Variants in SFXN1 observed in about 807,000 individuals in gnomAD.
SFXN1 encodes sideroflexin-1.
In SFXN1, 32 loss-of-function variants were observed where a neutral mutation model predicts 39.5. The ratio of observed to expected loss-of-function variants is 0.81; its 90% CI spans 0.61 to 1.09. The LOEUF is 1.09. Ranked by LOEUF, SFXN1 falls within the 50% of genes least tolerant of loss-of-function variation. SFXN1 has a pLI of 0.00. For missense variants in SFXN1, 402 were observed against 407.1 expected (o/e 0.99, Z 0.11); for synonymous variants, 136 against 146.5 (o/e 0.93, Z 0.52).
In SFXN1 at chr5:175,516,611, C is replaced by A. The variant is rs1760722985; in HGVS notation, c.725-3C>A. ...ATTTAAGTGGATCTATCTTTATTTC[C>A]AGCCATCCCTCCATTCATTATGAAC... On this transcript the variant is annotated splice_polypyrimidine_tract_variant and splice_region_variant and intron_variant, in intron 7 of 10. Coordinates refer to ENST00000321442, the MANE Select transcript of SFXN1 (RefSeq NM_022754.7). 1.9e-6 allele frequency: 3 copies of A among 1,609,108 alleles called. No individual in the cohort carries two copies. The highest frequency in any genetic ancestry group is 1.7e-5 in the Admixed American group (1 of 59,136).
chr5:175,481,847 C>A (rs560423394), intron 1 of SFXN1, among the ~76,000 whole-genome samples: 2 of 152,056 alleles, frequency 1.3e-5, no homozygotes, highest in South Asian at 4.2e-4. Context: ...ATCTATAATT[C>A]GATCTCCTGT....
Position 175,528,026 on chromosome 5 carries a change from TCTC to T in SFXN1, c.*1295_*1297del. 6.6e-6 allele frequency: 1 copy of T among 151,748 alleles called. No individual in the cohort carries two copies. The highest frequency in any genetic ancestry group is 1.9e-4 in the East Asian group (1 of 5,140). 9.4% of individuals were successfully genotyped at this position (151,748 alleles called of 1,614,324 possible). A position where few individuals can be genotyped will look rare whatever the true frequency, so the allele number is the denominator to read the frequency against. ...GCTCCGCCTCCCGGGTTCACGCCGT[TCTC>T]CTGCCTCAGCCTCTCTGAGAAGCTG... is the stretch of plus-strand genomic sequence containing the variant. On this transcript the variant is annotated 3_prime_UTR_variant, in exon 11 of 11. Coordinates refer to ENST00000321442, the MANE Select transcript of SFXN1 (RefSeq NM_022754.7).
chr5:175,518,650 C>T lies in SFXN1; in HGVS notation c.774+1987C>T, dbSNP rs575158721. On this transcript the variant is annotated intron_variant, in intron 8 of 10. Transcript: ENST00000321442. ...GAGGGCCACATGCTCTACAGAAGCT[C>T]AGCAAGTACACAGAGCATGAATTGT... Among the ~76,000 whole-genome samples, 11 of 152,274 alleles carry T rather than the reference C, an allele frequency of 7.2e-5. No individual in the cohort carries two copies. In the South Asian group the frequency reaches 2.1e-3, roughly 29 times the overall value.
At chr5:175,518,624 T>C (rs1035510202) in intron 8 of SFXN1, among the ~76,000 whole-genome samples, 2 of 152,188 alleles carry the variant, frequency 1.3e-5, no homozygotes, top group African/African-American at 2.4e-5. Flanking sequence ...GAGGACTGGC[T>C]GAGGGCCACA....
intron 8 of SFXN1, among the ~76,000 whole-genome samples, chr5:175,520,211 A>G (rs1270080903): frequency 1.3e-5 from 2 of 151,090 alleles, no homozygotes; most frequent in African/African-American, 2.4e-5. Flanking sequence ...ATATGTACAT[A>G]TATATATATA....
chr5:175,485,893 G>T (rs542124879), intron 1 of SFXN1, among the ~76,000 whole-genome samples: 12 of 152,212 alleles, frequency 7.9e-5, no homozygotes, highest in African/African-American at 2.7e-4. Flanking sequence ...TTCCGTCTGC[G>T]GAATGTGCAT....
chr5:175,511,841 ATCTC>A (rs146338435), intron 5 of SFXN1, among the ~76,000 whole-genome samples: 2 of 94,436 alleles, frequency 2.1e-5, no homozygotes, highest in Admixed American at 9.6e-5. Context: ...AGGCAAGAGC[ATCTC>A]TCTCTCTCTC....
chr5:175,509,251 A>C, intron 3 of SFXN1, 49 bp downstream of exon 3: 220 of 1,517,130 alleles, frequency 1.5e-4, no homozygotes, highest in Non-Finnish European at 1.8e-4. Context: ...ACAGAAGCTC[A>C]AAGTATATTT....
intron 7 of SFXN1, among the ~76,000 whole-genome samples, chr5:175,515,596 C>T (rs1760688573): frequency 6.6e-6 from 1 of 152,128 alleles, no homozygotes; most frequent in Non-Finnish European, 1.5e-5. Flanking sequence ...CCAATTTCCT[C>T]CATTTTATAG....
chr5:175,479,604 C>T (rs1759153408), intron 1 of SFXN1, among the ~76,000 whole-genome samples: 1 of 152,148 alleles, frequency 6.6e-6, no homozygotes, highest in Non-Finnish European at 1.5e-5. Context: ...TTCTTCTCCT[C>T]ATGTGAACAG....
chr5:175,492,913 T>G (rs545425047), intron 2 of SFXN1, among the ~76,000 whole-genome samples: 3 of 152,206 alleles, frequency 2.0e-5, no homozygotes, highest in Non-Finnish European at 4.4e-5. Flanking sequence ...CATATTATTC[T>G]TAAGTTTTTA....
At chr5:175,503,414 C>T (rs1450732469) in intron 2 of SFXN1, among the ~76,000 whole-genome samples, 9 of 152,058 alleles carry the variant, frequency 5.9e-5, no homozygotes, top group African/African-American at 1.9e-4. Context: ...AGCATCCAAC[C>T]TTGTGTTAAA....
intron 8 of SFXN1, among the ~76,000 whole-genome samples, chr5:175,517,690 A>G (rs1760753723): frequency 6.6e-6 from 1 of 152,218 alleles, no homozygotes; most frequent in Non-Finnish European, 1.5e-5. Context: ...AGTCATTGCT[A>G]AAATAGACAC....
intron 10 of SFXN1, among the ~76,000 whole-genome samples, chr5:175,524,951 A>G (rs1231924155): frequency 6.6e-6 from 1 of 152,258 alleles, no homozygotes; most frequent in Non-Finnish European, 1.5e-5. Context: ...AAAAATTAGA[A>G]AGTCAGAATA....
At chr5:175,482,392 A>G (rs1759287244) in intron 1 of SFXN1, among the ~76,000 whole-genome samples, 1 of 152,248 alleles carries the variant, frequency 6.6e-6, no homozygotes, top group South Asian at 2.1e-4. Context: ...GTTTTCTACA[A>G]AATTTTGGAA....
chr5:175,526,826 C>A lies in SFXN1; in HGVS notation c.*92C>A. 2 of 1,037,346 alleles carry A rather than the reference C, an allele frequency of 1.9e-6. No individual in the cohort carries two copies. Among genetic ancestry groups the A allele is most frequent in the South Asian group, 1.3e-5 (1 of 74,172 alleles). The allele number at this position is 1,037,346 out of a possible 1,614,324, so 64.3% of individuals were successfully genotyped here. A position where few individuals can be genotyped will look rare whatever the true frequency, so the allele number is the denominator to read the frequency against. ...AAATCCTGTTCAACCTGGGTTCTCC[C>A]AGTTACGGAAACCTTTTAAAGATCC... On this transcript the variant is annotated 3_prime_UTR_variant, in exon 11 of 11. Coordinates refer to ENST00000321442, the MANE Select transcript of SFXN1 (RefSeq NM_022754.7).
rs1760602502 is a variant in SFXN1, at chr5:175,513,508, C to CT, written c.644dup (p.Leu215PhefsTer91). 6.2e-7 allele frequency: 1 copy of CT among 1,613,868 alleles called. No individual in the cohort carries two copies. The highest frequency in any genetic ancestry group is 8.5e-7 in the Non-Finnish European group (1 of 1,179,948). On this transcript the variant is annotated frameshift_variant, in exon 7 of 11. Transcript: ENST00000321442. LOFTEE classifies it high-confidence loss of function. ...CCGTCACGGATGAGAATGGGAACCG[C>CT]TTGGGGGAGTCGGCGAACGCTGCGA...
At chr5:175,480,465 A>G (rs541692367) in intron 1 of SFXN1, among the ~76,000 whole-genome samples, 31 of 152,236 alleles carry the variant, frequency 2.0e-4, no homozygotes, top group Admixed American at 6.5e-4. Flanking sequence ...CTTAGTACGT[A>G]TTCAGAGGTT....
chr5:175,481,304 G>C (rs550268783), intron 1 of SFXN1, among the ~76,000 whole-genome samples: 277 of 152,208 alleles, frequency 1.8e-3, no homozygotes, highest in African/African-American at 5.8e-3. Context: ...TGTTACATCC[G>C]TGTTTTTGTT....
Sources: allele counts gnomAD v4.1 joint callset (sites outside exome capture counted in the v4.1 genomes callset), GRCh38; gene constraint gnomAD v4.1.1; transcripts MANE v1.5; gene names NCBI Gene and HGNC (gene_info 2026-07-23, HGNC 2026-07-21).